The following PLXDC2 variants were observed in gnomAD, a reference collection of about 807,000 sequenced individuals.
The protein encoded by PLXDC2 is plexin domain-containing protein 2.
Under a neutral mutation model 68.9 loss-of-function variants are expected in PLXDC2, and 40 were observed. The ratio of observed to expected loss-of-function variants is 0.58; its 90% CI spans 0.45 to 0.76. PLXDC2 has a LOEUF of 0.76. Among genes scored for constraint, PLXDC2 ranks in the 30% least tolerant of loss-of-function variants. PLXDC2 has a pLI of 0.00. For synonymous variants in PLXDC2, 243 were observed against 234.2 expected, an observed-to-expected ratio of 1.04 and a Z score of -0.34; for missense variants, 644 against 661.9, an observed-to-expected ratio of 0.97 and a Z score of 0.30.
At chr10:20,020,556 GAT>G (rs1001846617) in intron 2 of PLXDC2, among the ~76,000 whole-genome samples, 1 of 141,504 alleles carries the variant, frequency 7.1e-6, no homozygotes, top group Non-Finnish European at 1.6e-5. Flanking sequence ...GTTCATGAGA[GAT>G]ATATATATAT....
chr10:20,252,536 A>G (rs1835690350), intron 13 of PLXDC2, among the ~76,000 whole-genome samples: 2 of 152,254 alleles, frequency 1.3e-5, no homozygotes, highest in African/African-American at 4.8e-5. Flanking sequence ...AGAATTAGAA[A>G]GAAAAGTTGG....
chr10:19,822,599 A>G (rs555315024), intron 1 of PLXDC2, among the ~76,000 whole-genome samples: 2 of 152,240 alleles, frequency 1.3e-5, no homozygotes, highest in South Asian at 2.1e-4. Flanking sequence ...AACAGTGTAT[A>G]AGGGTTGCCT....
chr10:20,104,455 T>G (rs890425573), intron 4 of PLXDC2, among the ~76,000 whole-genome samples: 2 of 152,136 alleles, frequency 1.3e-5, no homozygotes, highest in Non-Finnish European at 2.9e-5. Context: ...CCCTGAAGAC[T>G]TAGTCTTCAG....
chr10:20,133,385 G>A (rs923277123), intron 4 of PLXDC2, among the ~76,000 whole-genome samples: 135 of 152,122 alleles, frequency 8.9e-4, no homozygotes, highest in African/African-American at 3.1e-3. Flanking sequence ...TTGTGAGGTA[G>A]TCCTAATGGT....
chr10:20,286,344 A>G lies in PLXDC2; in HGVS notation c.*6525A>G, dbSNP rs977297259. 1 of 152,206 alleles carries G rather than the reference A, an allele frequency of 6.6e-6. No homozygotes were observed. Among genetic ancestry groups the G allele is most frequent in the Admixed American group, 6.5e-5 (1 of 15,282 alleles). The allele number at this position is 152,206 out of a possible 1,614,324, so 9.4% of individuals were successfully genotyped here. On this transcript the variant is annotated 3_prime_UTR_variant, in exon 14 of 14. Coordinates refer to ENST00000377252, the MANE Select transcript of PLXDC2 (RefSeq NM_032812.9). Reference sequence around the variant, plus strand: ...CTTATTAACATTTGCAAATTACTCAATAAATGTCTTTCATAATGGAATAAC... The same window carrying G: ...CTTATTAACATTTGCAAATTACTCAGTAAATGTCTTTCATAATGGAATAAC...
intron 3 of PLXDC2, among the ~76,000 whole-genome samples, chr10:20,047,349 C>T (rs1835815053): frequency 6.6e-6 from 1 of 152,020 alleles, no homozygotes; most frequent in Non-Finnish European, 1.5e-5. Flanking sequence ...GTGTATAGAA[C>T]ATTTTTAAAA....
intron 4 of PLXDC2, among the ~76,000 whole-genome samples, chr10:20,090,759 A>G (rs1477202332): frequency 6.6e-6 from 1 of 152,194 alleles, no homozygotes; most frequent in Non-Finnish European, 1.5e-5. Context: ...TTACTTAGTT[A>G]GCTTATTAAC....
At chr10:20,068,923 C>T (rs1049673705) in intron 4 of PLXDC2, among the ~76,000 whole-genome samples, 14 of 151,896 alleles carry the variant, frequency 9.2e-5, no homozygotes, top group Admixed American at 2.6e-4. Flanking sequence ...CTACTAGAAG[C>T]GATAAGGAAA....
intron 1 of PLXDC2, among the ~76,000 whole-genome samples, chr10:19,850,465 T>C (rs1837094428): frequency 6.6e-6 from 1 of 152,160 alleles, no homozygotes; most frequent in Non-Finnish European, 1.5e-5. Context: ...TTTGAACCTG[T>C]ACTCCTTTTA....
intron 6 of PLXDC2, among the ~76,000 whole-genome samples, chr10:20,158,369 T>C (rs1834244402): frequency 6.9e-6 from 1 of 143,908 alleles, no homozygotes; most frequent in African/African-American, 2.5e-5. Flanking sequence ...TCTAAATAGC[T>C]ATACTTCTAA....
intron 1 of PLXDC2, among the ~76,000 whole-genome samples, chr10:19,985,538 C>A (rs1349254461): frequency 6.6e-6 from 1 of 152,112 alleles, no homozygotes; most frequent in Non-Finnish European, 1.5e-5. Context: ...AATTAACAAT[C>A]CTAGATATTA....
At chr10:20,069,850 A>C (rs7081701) in intron 4 of PLXDC2, among the ~76,000 whole-genome samples, 35,306 of 151,708 alleles carry the variant, frequency 0.23, 5,987 homozygotes, top group East Asian at 0.59. Flanking sequence ...AACAAATGAA[A>C]ACCAGAAAAA....
intron 10 of PLXDC2, among the ~76,000 whole-genome samples, chr10:20,212,214 C>T (rs1187559520): frequency 2.6e-5 from 4 of 151,852 alleles, no homozygotes; most frequent in Admixed American, 6.6e-5. Context: ...CTAGGATGTA[C>T]GAAACCATTG....
chr10:20,040,739 A>G (rs894335713), intron 2 of PLXDC2, among the ~76,000 whole-genome samples: 4 of 151,744 alleles, frequency 2.6e-5, no homozygotes, highest in African/African-American at 7.3e-5. Context: ...AGGGAGAAAT[A>G]AAGCTTTCTT....
intron 1 of PLXDC2, among the ~76,000 whole-genome samples, chr10:19,818,752 T>A (rs934102115): frequency 3.9e-5 from 6 of 152,148 alleles, no homozygotes; most frequent in Admixed American, 2.6e-4. Context: ...ACTTTTAGCC[T>A]TCCAGGAAAG....
intron 1 of PLXDC2, among the ~76,000 whole-genome samples, chr10:19,991,246 C>CAAA (rs372597238): frequency 4.2e-4 from 55 of 130,662 alleles, no homozygotes; most frequent in African/African-American, 1.4e-3. Flanking sequence ...AACTCTCTCT[C>CAAA]AAAAAAAAAA....
At chr10:20,085,991 T>G (rs1833188636) in intron 4 of PLXDC2, among the ~76,000 whole-genome samples, 1 of 152,176 alleles carries the variant, frequency 6.6e-6, no homozygotes, top group East Asian at 1.9e-4. Context: ...AGAATCTAAT[T>G]ACTTTCTTGT....
chr10:20,065,855 C>G (rs145208017), intron 3 of PLXDC2, among the ~76,000 whole-genome samples: 6 of 152,336 alleles, frequency 3.9e-5, no homozygotes, highest in African/African-American at 1.2e-4. Flanking sequence ...TAAATACTGA[C>G]GAAGCTTCCC....
At chr10:20,204,730 C>T (rs768321443) in intron 9 of PLXDC2, among the ~76,000 whole-genome samples, 17 of 152,154 alleles carry the variant, frequency 1.1e-4, no homozygotes, top group Non-Finnish European at 2.2e-4. Context: ...ACAGCCACAC[C>T]CAATGTGTTT....
Sources: allele counts gnomAD v4.1 joint callset (sites outside exome capture counted in the v4.1 genomes callset), GRCh38; gene constraint gnomAD v4.1.1; transcripts MANE v1.5; gene names NCBI Gene and HGNC (gene_info 2026-07-23, HGNC 2026-07-21).